CD163L1: variants seen among roughly 807,000 people sequenced by gnomAD.
CD163L1 encodes scavenger receptor cysteine-rich type 1 protein M160.
A neutral mutation model predicts 165.4 loss-of-function variants in CD163L1; 124 were observed. The observed-to-expected ratio is 0.75, with a 90% CI of 0.65 to 0.87. CD163L1 has a LOEUF of 0.87. CD163L1 is among the 40% of genes least tolerant of loss of function. The probability of loss-of-function intolerance (pLI) is 0.00; values close to 1 mark genes in which losing one functional copy is unlikely to be tolerated. For synonymous variants in CD163L1, 585 were observed against 662.2 expected (o/e 0.88, Z 1.79); for missense variants, 1,525 against 1,799.9 (o/e 0.85, Z 2.76).
chr12:7,365,644 C>G (rs1947000446), intron 18 of CD163L1, among the ~76,000 whole-genome samples: 1 of 151,806 alleles, frequency 6.6e-6, no homozygotes, highest in South Asian at 2.1e-4. Context: ...ATACAAATGG[C>G]CAATATGTAA....
chr12:7,358,989 C>G (rs1249933795), intron 18 of CD163L1, among the ~76,000 whole-genome samples: 2 of 151,076 alleles, frequency 1.3e-5, no homozygotes, highest in Non-Finnish European at 2.9e-5. Context: ...CTGGACACAG[C>G]TGAGGAAAAA....
rs990959089 is a variant in CD163L1 at position 7,384,256 on chromosome 12, A to G, written c.2051-4958T>C. Reference sequence around the variant, plus strand: ...TAACCTAGTAAAAGAAAAAGAAAGAAATTTTTTTTCAATTAAAAAACCTTT... The same window carrying G: ...TAACCTAGTAAAAGAAAAAGAAAGAGATTTTTTTTCAATTAAAAAACCTTT... On this transcript the variant is annotated intron_variant, in intron 8 of 19. Transcript: ENST00000313599. 2.0e-5 allele frequency among the ~76,000 whole-genome samples: 3 copies of G among 152,162 alleles called. No individual in the cohort carries two copies. In the East Asian group the frequency reaches 5.8e-4, roughly 29 times the overall value.
chr12:7,417,297 CA>C (rs1240530047), intron 4 of CD163L1, among the ~76,000 whole-genome samples: 2 of 152,126 alleles, frequency 1.3e-5, no homozygotes, highest in African/African-American at 4.8e-5. Flanking sequence ...AGTTGCTTAT[CA>C]GCTTAAGGAG....
At position 7,396,136 on chromosome 12, in the gene CD163L1, T is replaced by C. The variant is rs1947767759; in HGVS notation, c.2009A>G (p.Asn670Ser). The C allele has an allele frequency of 1.9e-6, 3 of 1,613,956 alleles. No homozygotes were observed. The highest frequency in any genetic ancestry group is 2.5e-6 in the Non-Finnish European group (3 of 1,180,004). The stretch of plus-strand genomic sequence containing the variant: ...AACATCTTCACTGTGACTGCAGTCA[T>C]TATTTCCCCACCCACTGTTCCTGCA... ...WSCRNSGWGN[N>S]DCSHSEDVGV... Residue 670 changes from asparagine to serine, a missense_variant, in exon 8 of 20, where the codon AAT (asparagine) becomes AGT (serine). By Grantham distance (46) the Asn-to-Ser change is conservative (BLOSUM62 1). Coordinates refer to ENST00000313599, the MANE Select transcript of CD163L1 (RefSeq NM_174941.6).
Position 7,400,814 on chromosome 12 carries a change from T to A in CD163L1, c.1409-2230A>T, listed in dbSNP as rs1285267595. ...TAGGCAATATATATCTCAGTAGGTA[T>A]TAGCCTATAGAAAGCTACAGTAGTT... On this transcript the variant is annotated intron_variant, in intron 6 of 19. Coordinates refer to ENST00000313599, the MANE Select transcript of CD163L1 (RefSeq NM_174941.6). This position sits in a 1 kb window ranked among gnomAD's most constrained non-coding sequence, Gnocchi z 4.1. 1.3e-5 allele frequency among the ~76,000 whole-genome samples: 2 copies of A among 152,222 alleles called. No homozygotes were observed. The highest frequency in any genetic ancestry group is 4.8e-5 in the African/African-American group (2 of 41,462).
intron 6 of CD163L1, among the ~76,000 whole-genome samples, chr12:7,401,101 A>C (rs142811379): frequency 1.4e-3 from 207 of 152,316 alleles, no homozygotes; most frequent in African/African-American, 4.9e-3. Flanking sequence ...TCTGAACTCC[A>C]GCTTCACTAC....
chr12:7,372,675 A>G lies in CD163L1; in HGVS notation c.3730+645T>C, dbSNP rs1947169411. Reference sequence around the variant, plus strand: ...TATACATATATAGTATCTATATTTCATATACACATTTCATATACACAATCA... The same window carrying G: ...TATACATATATAGTATCTATATTTCGTATACACATTTCATATACACAATCA... On this transcript the variant is annotated intron_variant, in intron 14 of 19. Transcript: ENST00000313599. This position sits in a 1 kb window ranked among gnomAD's most constrained non-coding sequence, Gnocchi z 4.2. Among the ~76,000 whole-genome samples the G allele has an allele frequency of 6.6e-6, 1 of 151,808 alleles. No homozygotes were observed. Among genetic ancestry groups the G allele is most frequent in the African/African-American group, 2.4e-5 (1 of 41,412 alleles).
At chr12:7,392,219 A>G (rs1363323687) in intron 8 of CD163L1, among the ~76,000 whole-genome samples, 1 of 152,220 alleles carries the variant, frequency 6.6e-6, no homozygotes, top group Non-Finnish European at 1.5e-5. Context: ...ATCACAACAA[A>G]CAGTCTCTCA....
At chr12:7,339,190 A>G in the CD163L1 span, among the ~76,000 whole-genome samples, 1 of 152,198 alleles carries the variant, frequency 6.6e-6, no homozygotes, top group Non-Finnish European at 1.5e-5. Context: ...AATCTTATAT[A>G]CAATTTAAAT....
chr12:7,320,976 G>A, the CD163L1 span, among the ~76,000 whole-genome samples: 1 of 152,156 alleles, frequency 6.6e-6, no homozygotes, highest in Non-Finnish European at 1.5e-5. Context: ...ACAGAATGTT[G>A]AGCAGCATCT....
At chr12:7,418,071 G>A (rs2136569355) in intron 4 of CD163L1, among the ~76,000 whole-genome samples, 1 of 152,004 alleles carries the variant, frequency 6.6e-6, no homozygotes, top group East Asian at 1.9e-4. Context: ...CCCAACAACT[G>A]CAGAATATGC....
At chr12:7,396,797 C>G (rs1241436268) in intron 7 of CD163L1, among the ~76,000 whole-genome samples, 2 of 151,788 alleles carry the variant, frequency 1.3e-5, no homozygotes, top group African/African-American at 4.8e-5. Flanking sequence ...ATTGATGAAC[C>G]AATTCCTTAA....
At chr12:7,388,547 A>G (rs1374754255) in intron 8 of CD163L1, among the ~76,000 whole-genome samples, 1 of 152,182 alleles carries the variant, frequency 6.6e-6, no homozygotes, top group Non-Finnish European at 1.5e-5. Flanking sequence ...GATTGAGACC[A>G]GCCTGGGCAA....
At position 7,374,630 on chromosome 12, in the gene CD163L1, C is replaced by T. The variant is rs755337083; in HGVS notation, c.3221G>A (p.Cys1074Tyr). The T allele has an allele frequency of 6.2e-6, 10 of 1,614,108 alleles. No individual in the cohort carries two copies. The highest frequency in any genetic ancestry group is 5.1e-6 in the Non-Finnish European group (6 of 1,180,044). The change falls in exon 13 of 20, where the codon TGT becomes TAT. Residue 1074 changes from cysteine to tyrosine, a missense_variant. Coordinates refer to ENST00000313599, the MANE Select transcript of CD163L1 (RefSeq NM_174941.6). This position sits in a 1 kb window ranked among gnomAD's most constrained non-coding sequence, Gnocchi z 5.4. The stretch of plus-strand genomic sequence containing the variant: ...GGCCACTCCACAGCCCAGCTTTTGA[C>T]ACACCACGTGGGCATCGCTCAGGTC... ...GWDLSDAHVV[C>Y]QKLGCGVAFN...
chr12:7,427,028 C>A (rs908339506), intron 4 of CD163L1, among the ~76,000 whole-genome samples: 3 of 151,980 alleles, frequency 2.0e-5, no homozygotes, highest in African/African-American at 7.2e-5. Flanking sequence ...TATATATGAG[C>A]CCCTGTCAAA....
chr12:7,428,846 G>A (rs1948586113), intron 4 of CD163L1, among the ~76,000 whole-genome samples: 1 of 152,040 alleles, frequency 6.6e-6, no homozygotes, highest in Non-Finnish European at 1.5e-5. Flanking sequence ...TCCTTTCACA[G>A]ATCCCAGGTA....
chr12:7,386,488 A>C (rs1346304681), intron 8 of CD163L1, among the ~76,000 whole-genome samples: 1 of 152,010 alleles, frequency 6.6e-6, no homozygotes, highest in Admixed American at 6.6e-5. Flanking sequence ...TATTACCCTG[A>C]TACCAAAACC....
the CD163L1 span, among the ~76,000 whole-genome samples, chr12:7,338,842 A>G: frequency 6.6e-6 from 1 of 152,208 alleles, no homozygotes; most frequent in East Asian, 1.9e-4. Context: ...AGAGCTGGGC[A>G]GAGAATTCCA....
intron 8 of CD163L1, among the ~76,000 whole-genome samples, chr12:7,383,213 C>T (rs1412200196): frequency 6.6e-6 from 1 of 152,176 alleles, no homozygotes; most frequent in Non-Finnish European, 1.5e-5. Context: ...TTCCACTCAC[C>T]ATAGTCTGTC....
Sources: gnomAD v4.1 joint callset for allele counts (sites outside exome capture counted in the v4.1 genomes callset) on GRCh38, gnomAD v4.1.1 for gene constraint, Gnocchi (gnomAD v3.1) non-coding constraint, MANE v1.5 for transcripts, NCBI Gene and HGNC (gene_info 2026-07-23, HGNC 2026-07-21) for gene names.